Variants in IFRD1 observed in about 807,000 individuals in gnomAD.
The protein encoded by IFRD1 is interferon-related developmental regulator 1.
In IFRD1, 35 loss-of-function variants were observed where a neutral mutation model predicts 52.9. The observed-to-expected ratio is 0.66, with a 90% CI of 0.51 to 0.88. The LOEUF is 0.88. Ranked by LOEUF, IFRD1 falls within the 40% of genes least tolerant of loss-of-function variation. IFRD1 has a pLI of 0.00. For synonymous variants in IFRD1, 184 were observed against 188.4 expected (o/e 0.98, Z 0.19); for missense variants, 517 against 550.8 (o/e 0.94, Z 0.61).
chr7:112,427,419 C>A (rs1231941403), intron 1 of IFRD1, among the ~76,000 whole-genome samples: 1 of 152,238 alleles, frequency 6.6e-6, no homozygotes, highest in East Asian at 1.9e-4. Flanking sequence ...CAGCCCTAAA[C>A]TGATCACCAC....
upstream of IFRD1, among the ~76,000 whole-genome samples, chr7:112,449,458 T>C (rs957835887): frequency 6.6e-6 from 1 of 151,958 alleles, no homozygotes; most frequent in Admixed American, 6.6e-5. Context: ...CAATTGAAAA[T>C]AGAATAGAGC....
At chr7:112,449,001 A>C (rs534315758), upstream of IFRD1, among the ~76,000 whole-genome samples, 30 of 152,362 alleles carry the variant, frequency 2.0e-4, 1 homozygote, top group Non-Finnish European at 1.5e-5. Flanking sequence ...TGAGGCTGGA[A>C]AGGGAGTCAG....
intron 7 of IFRD1, 33 bp from the exon 8 acceptor site, chr7:112,462,237 G>A (rs1795457955): frequency 6.2e-7 from 1 of 1,608,068 alleles, no homozygotes; most frequent in Non-Finnish European, 8.5e-7. Context: ...ATAATTGGTT[G>A]TATTCACATA....
intron 1 of IFRD1, chr7:112,452,430 G>T: frequency 1.0e-6 from 1 of 980,760 alleles, no homozygotes; most frequent in South Asian, 4.7e-5. Context: ...ATGCTGGGAC[G>T]GTGCCTGGTC....
intron 1 of IFRD1, among the ~76,000 whole-genome samples, chr7:112,426,570 A>G (rs1208223955): frequency 1.3e-5 from 2 of 152,180 alleles, no homozygotes; most frequent in Non-Finnish European, 2.9e-5. Context: ...TACAATTATA[A>G]GTCCTGCCAG....
intron 8 of IFRD1, chr7:112,467,725 T>A (rs1795645645): frequency 4.5e-6 from 2 of 444,776 alleles, no homozygotes; most frequent in Admixed American, 6.8e-5. Flanking sequence ...ACAAGAAATA[T>A]TTGTTGGATG....
chr7:112,462,166 A>C lies in IFRD1; in HGVS notation c.784A>C (p.Lys262Gln). ...CATATGCCCAATCAATGAAGTGAAG[A>C]AAAAGCTTGAGATGTATGTATTTTT... ...LTICPINEVK[K>Q]KLEMHFHKLP... Residue 262 changes from lysine to glutamine, a missense_variant, in exon 7 of 12, where the codon AAA becomes CAA. By Grantham distance (53) the Lys-to-Gln change is moderately conservative. Coordinates refer to ENST00000403825, the MANE Select transcript of IFRD1 (RefSeq NM_001550.4). The C allele has an allele frequency of 6.2e-7, 1 of 1,613,828 alleles. No individual in the cohort carries two copies. Among genetic ancestry groups the C allele is most frequent in the East Asian group, 2.2e-5 (1 of 44,868 alleles).
At chr7:112,433,131 C>A (rs547449794) in intron 1 of IFRD1, among the ~76,000 whole-genome samples, 1 of 152,238 alleles carries the variant, frequency 6.6e-6, no homozygotes, top group South Asian at 2.1e-4. Flanking sequence ...CCAGACAGAG[C>A]CAATTTATCA....
At chr7:112,443,316 G>C (rs922782701) in intron 1 of IFRD1, among the ~76,000 whole-genome samples, 10 of 152,316 alleles carry the variant, frequency 6.6e-5, no homozygotes, top group Admixed American at 1.3e-4. Flanking sequence ...ACTGGGTGTG[G>C]TGGTTCATGC....
intron 9 of IFRD1, 32 bp from the exon 10 acceptor site, chr7:112,472,187 C>T (rs2117335644): frequency 6.2e-7 from 1 of 1,612,592 alleles, no homozygotes; most frequent in Non-Finnish European, 8.5e-7. Context: ...CATTTTAGTG[C>T]CTGTGGTAAT....
In IFRD1 at chr7:112,441,620, G is replaced by GT. The variant is rs1187657933; in HGVS notation, c.-181-8882dup. ...CTCCTCTCTGCAAACTGTCTTTCTT[G>GT]TTTTTTCATGTCTGTGGTGGGCAGA... On this transcript the variant is annotated intron_variant, in intron 1 of 12. Coordinates refer to the IFRD1 transcript ENST00000005558. 5.9e-5 allele frequency among the ~76,000 whole-genome samples: 9 copies of GT among 152,256 alleles called. No homozygotes were observed. In the East Asian group the frequency reaches 9.7e-4, roughly 16 times the overall value.
chr7:112,475,405 A>G, intron 11 of IFRD1, 25 bp from the exon 12 acceptor site: 1 of 1,361,788 alleles, frequency 7.3e-7, no homozygotes, highest in Non-Finnish European at 1.1e-6. Flanking sequence ...TTACTGATGC[A>G]CGTTTTTCCT....
chr7:112,426,950 C>T (rs1794441577), intron 1 of IFRD1, among the ~76,000 whole-genome samples: 1 of 152,228 alleles, frequency 6.6e-6, no homozygotes, highest in African/African-American at 2.4e-5. Context: ...AACCAAGGTA[C>T]ATCTTATATA....
chr7:112,445,240 A>G (rs35243341), intron 1 of IFRD1, among the ~76,000 whole-genome samples: 2,988 of 151,474 alleles, frequency 0.02, 35 homozygotes, highest in Non-Finnish European at 0.03. Context: ...CTAATTTTTT[A>G]TATTTTTAGT....
intron 1 of IFRD1, among the ~76,000 whole-genome samples, chr7:112,427,045 C>T (rs112959134): frequency 1.2e-4 from 18 of 152,188 alleles, no homozygotes; most frequent in African/African-American, 3.6e-4. Context: ...TCAGAACCTC[C>T]TGAGGCTGTG....
chr7:112,467,700 A>G (rs1286882777), intron 8 of IFRD1: 1 of 404,072 alleles, frequency 2.5e-6, no homozygotes, highest in Non-Finnish European at 4.7e-6. Flanking sequence ...GTAATGTCTT[A>G]TATATGGTGG....
chr7:112,454,970 G>A (rs1382087583), intron 1 of IFRD1, among the ~76,000 whole-genome samples: 7 of 145,042 alleles, frequency 4.8e-5, no homozygotes, highest in Admixed American at 2.2e-4. Flanking sequence ...AGGCTCAAGC[G>A]ATTCTTCTGC....
chr7:112,432,789 T>C lies in IFRD1; in HGVS notation c.-182+9357T>C, dbSNP rs578209600. Among the ~76,000 whole-genome samples, 3 of 152,292 alleles carry C rather than the reference T, an allele frequency of 2.0e-5. 1 individual carries two copies. The South Asian group carries it at 6.2e-4, about 32-fold the overall frequency. ...GCCAAGCACTGTAGGGGTTTATGGTTCAGCAGGTGAGAAAAGTAAAATACA... is the reference window on the plus strand; with the variant it reads ...GCCAAGCACTGTAGGGGTTTATGGTCCAGCAGGTGAGAAAAGTAAAATACA... On this transcript the variant is annotated intron_variant, in intron 1 of 12. Transcript: ENST00000005558.
intron 1 of IFRD1, among the ~76,000 whole-genome samples, chr7:112,432,713 C>T (rs904109820): frequency 1.3e-5 from 2 of 152,196 alleles, no homozygotes; most frequent in African/African-American, 4.8e-5. Context: ...CATGCTGCTT[C>T]CATGTGGTCA....
Sources: gnomAD v4.1 joint callset for allele counts (sites outside exome capture counted in the v4.1 genomes callset) on GRCh38, gnomAD v4.1.1 for gene constraint, MANE v1.5 for transcripts, NCBI Gene and HGNC (gene_info 2026-07-23, HGNC 2026-07-21) for gene names.